Variants in PYGB observed in about 807,000 individuals in gnomAD.
PYGB encodes glycogen phosphorylase, brain form.
Under a neutral mutation model 94.3 loss-of-function variants are expected in PYGB, and 82 were observed. That is an observed-to-expected ratio of 0.87 (90% CI 0.73 to 1.04). The LOEUF (loss-of-function observed/expected upper bound fraction) is 1.04. Ranked by LOEUF, PYGB falls within the 50% of genes least tolerant of loss-of-function variation. PYGB has a pLI of 0.00. For synonymous variants in PYGB, 488 were observed against 479.1 expected (o/e 1.02, Z -0.24); for missense variants, 1,132 against 1,158.2 (o/e 0.98, Z 0.33).
At chr20:25,279,833 G>A (rs1004496760) in intron 9 of PYGB, among the ~76,000 whole-genome samples, 4 of 152,214 alleles carry the variant, frequency 2.6e-5, no homozygotes, top group Non-Finnish European at 4.4e-5. Flanking sequence ...AGGTGAGGCT[G>A]TACCTGTTGT....
At chr20:25,295,497 A>G in intron 18 of PYGB, 107 bp from the exon 19 acceptor site, 4 of 1,324,548 alleles carry the variant, frequency 3.0e-6, no homozygotes, top group South Asian at 2.4e-5. Context: ...CGCTCCAGAC[A>G]GGACCAGGTG....
In PYGB at chr20:25,248,124, C is replaced by T. The variant is rs560898458; in HGVS notation, c.-55C>T. ...AGAGCAGCTGCACCATCCCGGCGTT[C>T]GCGTGTGCCGCCGCTTTCCTCCTCC... On this transcript the variant is annotated 5_prime_UTR_variant, in exon 1 of 20. Transcript: ENST00000216962. 10 of 1,519,742 alleles carry T rather than the reference C, an allele frequency of 6.6e-6. No individual in the cohort carries two copies. The highest frequency in any genetic ancestry group is 2.6e-5 in the South Asian group (2 of 78,160). 94.1% of individuals were successfully genotyped at this position (1,519,742 alleles called of 1,614,324 possible).
chr20:25,294,872 C>G (rs1435271746), intron 18 of PYGB: 14 of 1,359,408 alleles, frequency 1.0e-5, no homozygotes, highest in Non-Finnish European at 1.4e-5. Context: ...TTGAATCCGG[C>G]GAGGGCTGGG....
intron 18 of PYGB, chr20:25,294,892 G>T: frequency 1.3e-6 from 2 of 1,499,768 alleles, no homozygotes; most frequent in Non-Finnish European, 1.9e-6. Context: ...GAATTCACCT[G>T]CCCTCCACTT....
chr20:25,253,187 G>C (rs2092893143), intron 1 of PYGB, among the ~76,000 whole-genome samples: 1 of 152,234 alleles, frequency 6.6e-6, no homozygotes, highest in Non-Finnish European at 1.5e-5. Context: ...CCTTGCACCA[G>C]AGCTGCAGCT....
At chr20:25,293,572 T>G (rs1427020153) in intron 17 of PYGB, among the ~76,000 whole-genome samples, 1 of 152,140 alleles carries the variant, frequency 6.6e-6, no homozygotes, top group African/African-American at 2.4e-5. Flanking sequence ...CCATCTGAAG[T>G]CAGAGCTGTG....
At position 25,290,466 on chromosome 20, in the gene PYGB, ACC is replaced by A; in HGVS notation, c.1828-13_1828-12del. Reference sequence around the variant, plus strand: ...AGGCATTTTTGTGCTAAAAACCTTCACCCTCTCCTTCCAGGCAGCGCCCGGTT... The same window carrying A: ...AGGCATTTTTGTGCTAAAAACCTTCACTCTCCTTCCAGGCAGCGCCCGGTT... On this transcript the variant is annotated splice_polypyrimidine_tract_variant and intron_variant, in intron 15 of 19. Coordinates refer to ENST00000216962, the MANE Select transcript of PYGB (RefSeq NM_002862.4). 6.2e-7 allele frequency: 1 copy of A among 1,600,066 alleles called. No homozygotes were observed. The highest frequency in any genetic ancestry group is 8.6e-7 in the Non-Finnish European group (1 of 1,168,090).
At position 25,282,143 on chromosome 20, in the gene PYGB, T is replaced by G. The variant is rs2088373815; in HGVS notation, c.1514T>G (p.Val505Gly). The G allele has an allele frequency of 2.5e-6, 4 of 1,610,566 alleles. No homozygotes were observed. The African/African-American group carries it at 5.3e-5, about 22-fold the overall frequency. ...LCNPGLADTI[V>G]EKIGEEFLTD... ...AACCCGGGGCTGGCCGATACCATCG[T>G]GGAGGTGAGTCCCGGGCCCCACCCG... Residue 505 changes from valine to glycine, a missense_variant, in exon 12 of 20, where the codon GTG becomes GGG. By Grantham distance (109) the Val-to-Gly change is moderately radical (BLOSUM62 -3). Transcript: ENST00000216962.
chr20:25,252,326 G>A (rs2092890305), intron 1 of PYGB, among the ~76,000 whole-genome samples: 1 of 152,208 alleles, frequency 6.6e-6, no homozygotes, highest in African/African-American at 2.4e-5. Flanking sequence ...TGTCAACTTG[G>A]CTGTTGTGCC....
At chr20:25,278,765 C>G (rs2088337844) in intron 8 of PYGB, among the ~76,000 whole-genome samples, 1 of 152,224 alleles carries the variant, frequency 6.6e-6, no homozygotes, top group African/African-American at 2.4e-5. Flanking sequence ...TGAGAGAGCC[C>G]CCAGCCCCGG....
chr20:25,263,890 C>T (rs535962601), intron 2 of PYGB, among the ~76,000 whole-genome samples: 2 of 152,110 alleles, frequency 1.3e-5, no homozygotes, highest in Non-Finnish European at 2.9e-5. Flanking sequence ...GAAACTATTC[C>T]AATCAATAGA....
chr20:25,268,714 T>C (rs2088240704), intron 2 of PYGB, among the ~76,000 whole-genome samples: 2 of 152,246 alleles, frequency 1.3e-5, no homozygotes, highest in South Asian at 4.1e-4. Flanking sequence ...CGTGATTTTA[T>C]TGCTTTTTCT....
chr20:25,293,911 A>G (rs1225138632), intron 17 of PYGB: 1 of 542,428 alleles, frequency 1.8e-6, no homozygotes, highest in Non-Finnish European at 3.3e-6. Flanking sequence ...TAGTGATGAC[A>G]TTTCTTTAAC....
At position 25,269,132 on chromosome 20, in the gene PYGB, G is replaced by T; in HGVS notation, c.349G>T (p.Gly117Trp). Residue 117 changes from glycine (G) to tryptophan (W), a missense_variant, in exon 3 of 20, where the codon GGG (glycine) becomes TGG (tryptophan). Transcript: ENST00000216962. ...NACDEAIYQLGLDLEELEEIE... is the reference protein window; with the variant it reads ...NACDEAIYQLWLDLEELEEIE... ...CTGCCTGTGTTTTTGTTTGCAGTTG[G>T]GGTTAGACTTGGAGGAACTCGAGGA... 6.3e-7 allele frequency: 1 copy of T among 1,576,964 alleles called. No homozygotes were observed. Among genetic ancestry groups the T allele is most frequent in the South Asian group, 1.1e-5 (1 of 90,234 alleles).
At chr20:25,283,670 G>A (rs2088390101) in intron 13 of PYGB, among the ~76,000 whole-genome samples, 1 of 152,232 alleles carries the variant, frequency 6.6e-6, no homozygotes, top group Non-Finnish European at 1.5e-5. Flanking sequence ...CAGCCTCTCG[G>A]CTAGACCAGG....
chr20:25,283,326 G>A (rs750661408), intron 13 of PYGB, 49 bp downstream of exon 13: 5 of 1,532,194 alleles, frequency 3.3e-6, no homozygotes, highest in Non-Finnish European at 4.5e-6. Context: ...CCCACAACCA[G>A]GCAGGTAGGC....
intron 2 of PYGB, among the ~76,000 whole-genome samples, chr20:25,268,463 A>G (rs1182658425): frequency 6.6e-6 from 1 of 151,682 alleles, no homozygotes; most frequent in African/African-American, 2.4e-5. Flanking sequence ...AAATGAATTC[A>G]TATGTATACT....
intron 5 of PYGB, among the ~76,000 whole-genome samples, chr20:25,276,162 TAGCAGGCAAGGC>T (rs1477324570): frequency 2.6e-5 from 4 of 151,754 alleles, no homozygotes; most frequent in Non-Finnish European, 5.9e-5. Context: ...ACATGGAGGG[TAGCAGGCAAGGC>T]AGCTGCAGGA....
chr20:25,271,004 T>A (rs2088261577), intron 3 of PYGB, among the ~76,000 whole-genome samples: 1 of 152,172 alleles, frequency 6.6e-6, no homozygotes, highest in African/African-American at 2.4e-5. Flanking sequence ...GATGTGTTGA[T>A]GTGTCCCTGC....
Sources: gnomAD v4.1 joint callset for allele counts (sites outside exome capture counted in the v4.1 genomes callset) on GRCh38, gnomAD v4.1.1 for gene constraint, MANE v1.5 for transcripts, NCBI Gene and HGNC (gene_info 2026-07-23, HGNC 2026-07-21) for gene names.